The following POLA1 variants were observed in gnomAD, a reference collection of about 807,000 sequenced individuals.
POLA1 encodes DNA polymerase alpha catalytic subunit.
A neutral mutation model predicts 124.0 loss-of-function variants in POLA1; 15 were observed. That is an observed-to-expected ratio of 0.12 (90% CI 0.08 to 0.19). POLA1 has a LOEUF of 0.19. Among genes scored for constraint, POLA1 ranks in the 10% least tolerant of loss-of-function variants. The pLI is 1.00. For missense variants in POLA1, 886 were observed against 1,103.4 expected (o/e 0.80, Z 2.79); for synonymous variants, 408 against 389.4 (o/e 1.05, Z -0.56).
At chrX:24,940,992 AG>A (rs1354206134) in intron 36 of POLA1, among the ~76,000 whole-genome samples, 1 of 112,026 alleles carries the variant, frequency 8.9e-6, no homozygotes, top group Non-Finnish European at 1.9e-5. Flanking sequence ...TTTCTCTAGT[AG>A]TTAGGGGTTA....
chrX:24,950,465 C>T lies in POLA1; in HGVS notation c.4261+19916C>T, dbSNP rs531017799. ...GGACTCCAGAGTTCTTTTCCTCCTT[C>T]ATTGCATGGTATCTTTATTTAACAG... On this transcript the variant is annotated intron_variant, in intron 36 of 36. Coordinates refer to ENST00000379068, the MANE Select transcript of POLA1 (RefSeq NM_001330360.2). Among the ~76,000 whole-genome samples the T allele has an allele frequency of 1.6e-4, 18 of 112,535 alleles. No individual in the cohort carries two copies. In the South Asian group the frequency reaches 5.9e-3, roughly 37 times the overall value.
intron 35 of POLA1, among the ~76,000 whole-genome samples, chrX:24,907,765 T>C (rs1444255310): frequency 8.9e-6 from 1 of 112,099 alleles, no homozygotes; most frequent in Non-Finnish European, 1.9e-5. Flanking sequence ...TGGAGGAAAC[T>C]TGGAACATCA....
chrX:24,906,082 T>G (rs892301910), intron 35 of POLA1, among the ~76,000 whole-genome samples: 1 of 111,884 alleles, frequency 8.9e-6, no homozygotes, highest in Non-Finnish European at 1.9e-5. Context: ...GTATAACCTC[T>G]GTGGAAAACA....
intron 35 of POLA1, among the ~76,000 whole-genome samples, chrX:24,905,720 G>A (rs1219442986): frequency 9.1e-6 from 1 of 110,252 alleles, no homozygotes; most frequent in Non-Finnish European, 1.9e-5. Flanking sequence ...TCACCACCAC[G>A]CCCGGCTAAT....
chrX:24,950,733 G>C (rs983320513), intron 36 of POLA1, among the ~76,000 whole-genome samples: 1 of 111,933 alleles, frequency 8.9e-6, no homozygotes, highest in Admixed American at 9.5e-5. Context: ...TCCTAGTTCA[G>C]ATAAAGGGCA....
Position 24,835,501 on chromosome X carries a change from T to A in POLA1, c.3737-6151T>A, listed in dbSNP as rs183598110. 2.8e-3 allele frequency among the ~76,000 whole-genome samples: 313 copies of A among 111,969 alleles called. 1 individual carries two copies. The highest frequency in any genetic ancestry group is 5.0e-3 in the Non-Finnish European group (267 of 53,142). On this transcript the variant is annotated intron_variant, in intron 32 of 36. Coordinates refer to ENST00000379068, the MANE Select transcript of POLA1 (RefSeq NM_001330360.2). ...GATTGCACTATGAATACACTTTTTT[T>A]AAAAAGCTCCTTGTTTGGATTGGAA...
chrX:24,990,053 A>C (rs2048518007), intron 36 of POLA1, among the ~76,000 whole-genome samples: 1 of 112,124 alleles, frequency 8.9e-6, no homozygotes, highest in African/African-American at 3.2e-5. Flanking sequence ...ATTGCAATAA[A>C]GTCATTGTAA....
intron 32 of POLA1, among the ~76,000 whole-genome samples, chrX:24,831,406 C>A (rs2046258554): frequency 9.0e-6 from 1 of 111,370 alleles, no homozygotes; most frequent in Non-Finnish European, 1.9e-5. Flanking sequence ...TAAATATTTT[C>A]TTTTTCTGTC....
chrX:24,841,869 T>C, intron 33 of POLA1, 39 bp downstream of exon 33: 1 of 1,016,895 alleles, frequency 9.8e-7, no homozygotes, highest in Non-Finnish European at 1.4e-6. Context: ...AGTGAACTTG[T>C]ATAAAGGCCT....
At chrX:24,700,211 A>G (rs1008609050) in intron 2 of POLA1, among the ~76,000 whole-genome samples, 1 of 109,328 alleles carries the variant, frequency 9.1e-6, no homozygotes, top group Non-Finnish European at 1.9e-5. Context: ...TTGAACTAAC[A>G]TATTATTCTA....
intron 34 of POLA1, among the ~76,000 whole-genome samples, chrX:24,885,593 G>A (rs761491675): frequency 9.0e-6 from 1 of 110,528 alleles, no homozygotes; most frequent in Admixed American, 9.6e-5. Context: ...GGAGTGCAGT[G>A]GTGCAATCTT....
chrX:24,943,653 G>T (rs967267441), intron 36 of POLA1, among the ~76,000 whole-genome samples: 6 of 112,468 alleles, frequency 5.3e-5, no homozygotes, highest in African/African-American at 1.6e-4. Context: ...TAACAAATAA[G>T]CCGCAGTAAA....
intron 3 of POLA1, among the ~76,000 whole-genome samples, chrX:24,704,012 A>G (rs1462821367): frequency 8.9e-6 from 1 of 111,752 alleles, no homozygotes; most frequent in Non-Finnish European, 1.9e-5. Context: ...GGATTCAGCT[A>G]TATTGCCAGT....
chrX:24,959,856 A>G (rs2048149829), intron 36 of POLA1, among the ~76,000 whole-genome samples: 3 of 111,596 alleles, frequency 2.7e-5, no homozygotes, highest in Non-Finnish European at 5.6e-5. Context: ...TGTTCTCAGA[A>G]TGGCATATAT....
intron 26 of POLA1, among the ~76,000 whole-genome samples, chrX:24,761,312 G>A (rs1037142098): frequency 2.1e-4 from 23 of 111,703 alleles, no homozygotes; most frequent in African/African-American, 6.5e-4. Context: ...AGAGTTGAGC[G>A]GAGATGGGAG....
intron 29 of POLA1, among the ~76,000 whole-genome samples, chrX:24,813,471 A>T (rs2045936928): frequency 8.9e-6 from 1 of 112,320 alleles, no homozygotes; most frequent in Non-Finnish European, 1.9e-5. Flanking sequence ...TGTGATAATA[A>T]GGCCTGCTTC....
chrX:24,828,057 C>G (rs1056340895), intron 32 of POLA1, among the ~76,000 whole-genome samples: 3 of 112,208 alleles, frequency 2.7e-5, no homozygotes, highest in Non-Finnish European at 5.6e-5. Flanking sequence ...TTAACATTTG[C>G]CTAAGCAAAT....
intron 26 of POLA1, among the ~76,000 whole-genome samples, chrX:24,786,368 T>C (rs2045361283): frequency 8.9e-6 from 1 of 112,437 alleles, no homozygotes. Flanking sequence ...TGAGGTGATA[T>C]GTCATTGTGG....
At chrX:24,967,002 G>A (rs1410831834) in intron 36 of POLA1, among the ~76,000 whole-genome samples, 1 of 111,254 alleles carries the variant, frequency 9.0e-6, no homozygotes, top group East Asian at 2.8e-4. Context: ...TTTTGGTGTT[G>A]AATTTTTGTG....
Sources: gnomAD v4.1 joint callset for allele counts (sites outside exome capture counted in the v4.1 genomes callset) on GRCh38, gnomAD v4.1.1 for gene constraint, MANE v1.5 for transcripts, NCBI Gene and HGNC (gene_info 2026-07-23, HGNC 2026-07-21) for gene names.